TMEM117: variants seen among roughly 807,000 people sequenced by gnomAD.
TMEM117 encodes transmembrane protein 117.
A neutral mutation model predicts 52.4 loss-of-function variants in TMEM117; 27 were observed. The observed-to-expected ratio is 0.51, with a 90% confidence interval of 0.38 to 0.71. TMEM117 has a LOEUF of 0.71. TMEM117 is among the 30% of genes least tolerant of loss of function. The probability of loss-of-function intolerance (pLI) is 0.00; values close to 1 mark genes in which losing one functional copy is unlikely to be tolerated. For missense variants in TMEM117, 556 were observed against 630.5 expected, an observed-to-expected ratio of 0.88 and a Z score of 1.26; for synonymous variants, 215 against 206.3, an observed-to-expected ratio of 1.04 and a Z score of -0.36.
chr12:44,158,406 A>G (rs1027880251), intron 4 of TMEM117, among the ~76,000 whole-genome samples: 2 of 152,186 alleles, frequency 1.3e-5, no homozygotes, highest in Non-Finnish European at 2.9e-5. Context: ...GGATCCTGAC[A>G]GAAGCTCAGA....
At chr12:43,878,944 C>T (rs939458905) in intron 2 of TMEM117, among the ~76,000 whole-genome samples, 2 of 151,988 alleles carry the variant, frequency 1.3e-5, no homozygotes, top group African/African-American at 4.8e-5. Flanking sequence ...GAAAGAAGTT[C>T]CTGGAATACT....
intron 3 of TMEM117, among the ~76,000 whole-genome samples, chr12:44,023,496 G>A (rs1946484868): frequency 6.6e-6 from 1 of 151,962 alleles, no homozygotes; most frequent in South Asian, 2.1e-4. Context: ...GTTGTTTCCT[G>A]ACTTTTTAAT....
intron 5 of TMEM117, among the ~76,000 whole-genome samples, chr12:44,251,749 T>A (rs941484618): frequency 6.6e-6 from 1 of 152,218 alleles, no homozygotes; most frequent in Non-Finnish European, 1.5e-5. Flanking sequence ...AAAGAAAATA[T>A]TTAAAGTCAT....
At chr12:43,821,705 A>T in the TMEM117 span, among the ~76,000 whole-genome samples, 1 of 152,216 alleles carries the variant, frequency 6.6e-6, no homozygotes, top group Admixed American at 6.5e-5. Context: ...GGATGATACA[A>T]ATCAGCAGTG....
chr12:44,131,643 T>A (rs1050764947), intron 3 of TMEM117, among the ~76,000 whole-genome samples: 1 of 152,142 alleles, frequency 6.6e-6, no homozygotes, highest in African/African-American at 2.4e-5. Flanking sequence ...TTATTTTAAT[T>A]TATATATTTT....
At chr12:44,393,292 T>C (rs1952169247), downstream of TMEM117, among the ~76,000 whole-genome samples, 1 of 152,166 alleles carries the variant, frequency 6.6e-6, no homozygotes, top group Non-Finnish European at 1.5e-5. Flanking sequence ...CGATAATTTA[T>C]AATTGAGAAT....
Position 44,389,053 on chromosome 12 carries a change from GGGCGT to G in TMEM117, c.*382_*386del. The G allele has an allele frequency of 6.9e-6, 1 of 144,062 alleles. No individual in the cohort carries two copies. The highest frequency in any genetic ancestry group is 2.0e-4 in the East Asian group (1 of 5,048). 8.9% of individuals were successfully genotyped at this position (144,062 alleles called of 1,614,324 possible). ...AACAGTTACCTAACCTATTTCACAT[GGGCGT>G]TTTGTATACAACTATTTTGATCTAC... On this transcript the variant is annotated 3_prime_UTR_variant, in exon 8 of 8. Coordinates refer to ENST00000266534, the MANE Select transcript of TMEM117 (RefSeq NM_032256.3).
intron 5 of TMEM117, among the ~76,000 whole-genome samples, chr12:44,228,478 T>G (rs1356506039): frequency 6.6e-6 from 1 of 152,114 alleles, no homozygotes; most frequent in African/African-American, 2.4e-5. Context: ...CAGTTTACAT[T>G]CTGGTGGAGT....
At chr12:44,264,185 G>A (rs1265759493) in intron 5 of TMEM117, among the ~76,000 whole-genome samples, 1 of 152,024 alleles carries the variant, frequency 6.6e-6, no homozygotes, top group Non-Finnish European at 1.5e-5. Context: ...TTGTTTTTCT[G>A]TCTATTTGAT....
chr12:44,390,755 G>A (rs1366169010), downstream of TMEM117, among the ~76,000 whole-genome samples: 1 of 152,070 alleles, frequency 6.6e-6, no homozygotes, highest in African/African-American at 2.4e-5. Context: ...CTGTTGAATT[G>A]TATATACTGA....
intron 5 of TMEM117, among the ~76,000 whole-genome samples, chr12:44,289,678 G>A (rs1009530818): frequency 2.0e-5 from 3 of 149,514 alleles, no homozygotes; most frequent in South Asian, 2.1e-4. Context: ...TCAGCCTCCC[G>A]AGTAACTGGG....
chr12:44,152,491 ATATATATAATTATATCATATATAAATT>A (rs1948756532), intron 4 of TMEM117, among the ~76,000 whole-genome samples: 1 of 117,012 alleles, frequency 8.5e-6, no homozygotes, highest in African/African-American at 3.5e-5. Flanking sequence ...ATAAATTTTT[ATATATATAATTATATCATATATAAATT>A]TATATATATA....
At chr12:43,958,661 G>A (rs1267766535) in intron 3 of TMEM117, among the ~76,000 whole-genome samples, 2 of 152,144 alleles carry the variant, frequency 1.3e-5, no homozygotes, top group Non-Finnish European at 2.9e-5. Context: ...AAGAAGTCAC[G>A]TGGAGAACTC....
intron 2 of TMEM117, among the ~76,000 whole-genome samples, chr12:43,884,113 G>A (rs1377582745): frequency 3.4e-5 from 5 of 147,602 alleles, no homozygotes; most frequent in South Asian, 4.3e-4. Context: ...TCCAGCCTGG[G>A]CAACAGAGTG....
intron 3 of TMEM117, among the ~76,000 whole-genome samples, chr12:44,033,539 G>A (rs1946665593): frequency 6.6e-6 from 1 of 152,142 alleles, no homozygotes; most frequent in Non-Finnish European, 1.5e-5. Context: ...GTCATAATAT[G>A]TCCTAGCTGG....
the TMEM117 span, among the ~76,000 whole-genome samples, chr12:43,818,566 G>C: frequency 6.6e-6 from 1 of 151,866 alleles, no homozygotes. Context: ...TCAGCCTCCC[G>C]AGTAGCTGGG....
At chr12:44,117,135 A>G (rs1488624249) in intron 3 of TMEM117, among the ~76,000 whole-genome samples, 2 of 152,120 alleles carry the variant, frequency 1.3e-5, no homozygotes, top group Non-Finnish European at 2.9e-5. Flanking sequence ...GTTTTCCATC[A>G]ACTAATCCCT....
chr12:44,264,950 A>G (rs938474299), intron 5 of TMEM117, among the ~76,000 whole-genome samples: 1 of 152,228 alleles, frequency 6.6e-6, no homozygotes, highest in African/African-American at 2.4e-5. Flanking sequence ...CAAAAGTGAC[A>G]GAGCTGGGAT....
intron 3 of TMEM117, among the ~76,000 whole-genome samples, chr12:44,036,461 T>C (rs1376409469): frequency 6.6e-6 from 1 of 152,224 alleles, no homozygotes; most frequent in Non-Finnish European, 1.5e-5. Flanking sequence ...AATTAATATG[T>C]TATTTTTCAT....
Sources: allele counts gnomAD v4.1 joint callset (sites outside exome capture counted in the v4.1 genomes callset), GRCh38; gene constraint gnomAD v4.1.1; transcripts MANE v1.5; gene names NCBI Gene and HGNC (gene_info 2026-07-23, HGNC 2026-07-21).